SLC25A48: variants seen among roughly 807,000 people sequenced by gnomAD.
The protein encoded by SLC25A48 is CTC-321K16.1.
Under a neutral mutation model 32.2 loss-of-function variants are expected in SLC25A48, and 29 were observed. That is an observed-to-expected ratio of 0.90 (90% CI 0.67 to 1.23). The LOEUF (loss-of-function observed/expected upper bound fraction) is 1.23. SLC25A48 is among the 50% of genes most tolerant of loss of function. The pLI, the probability that SLC25A48 is intolerant of heterozygous loss-of-function variation, is 0.00. For missense variants in SLC25A48, 399 were observed against 422.7 expected (o/e 0.94, Z 0.49); for synonymous variants, 164 against 172.3 (o/e 0.95, Z 0.38).
chr5:135,879,961 T>C lies in SLC25A48; in HGVS notation c.814-7T>C. ...GTCCCCTGCAATAACCTGGCCCCTG[T>C]GCAAAGGTGTTTTTCAGAGGCATCA... On this transcript the variant is annotated splice_region_variant and splice_polypyrimidine_tract_variant and intron_variant, in intron 6 of 7. Transcript: ENST00000681962. The C allele has an allele frequency of 6.5e-7, 1 of 1,536,252 alleles. No homozygotes were observed. The highest frequency in any genetic ancestry group is 1.2e-5 in the South Asian group (1 of 84,056).
At position 135,726,902 on chromosome 5, in the gene SLC25A48, C is replaced by T. The variant is rs1261165673; in HGVS notation, c.-520-85621C>T. Among the ~76,000 whole-genome samples the T allele has an allele frequency of 2.0e-5, 3 of 152,188 alleles. No individual in the cohort carries two copies. In the East Asian group the frequency reaches 5.8e-4, roughly 29 times the overall value. ...AGAAACTGTTTCCCAGAGTGGTTGT[C>T]CTATTTTATATTTTCACCAGCAATG... On this transcript the variant is annotated intron_variant, in intron 3 of 10. Coordinates refer to the SLC25A48 transcript ENST00000646290.
intron 3 of SLC25A48, among the ~76,000 whole-genome samples, chr5:135,769,436 T>C (rs1202121336): frequency 2.0e-5 from 3 of 151,712 alleles, no homozygotes. Context: ...AGAATGATAT[T>C]ACTCCCAGGA....
chr5:135,656,811 G>C (rs1278168007), intron 3 of SLC25A48, among the ~76,000 whole-genome samples: 1 of 152,168 alleles, frequency 6.6e-6, no homozygotes, highest in African/African-American at 2.4e-5. Context: ...GACTGCCACT[G>C]CCAGCAAAAC....
At chr5:135,617,534 G>T (rs1752218007) in intron 1 of SLC25A48, among the ~76,000 whole-genome samples, 1 of 150,820 alleles carries the variant, frequency 6.6e-6, no homozygotes, top group South Asian at 2.1e-4. Flanking sequence ...GGTTAGTTGA[G>T]GTTTACCATT....
At chr5:135,592,954 A>G (rs923438687) in intron 1 of SLC25A48, among the ~76,000 whole-genome samples, 5 of 152,312 alleles carry the variant, frequency 3.3e-5, no homozygotes, top group South Asian at 2.1e-4. Context: ...TAAACGTTCT[A>G]TAACTTATAT....
intron 4 of SLC25A48, among the ~76,000 whole-genome samples, chr5:135,861,313 G>GCACACA (rs10561751): frequency 1.1e-4 from 16 of 145,692 alleles, no homozygotes; most frequent in South Asian, 2.2e-4. Flanking sequence ...AAATACACAC[G>GCACACA]CACACACACA....
chr5:135,726,097 G>T (rs1321921484), intron 3 of SLC25A48, among the ~76,000 whole-genome samples: 1 of 152,190 alleles, frequency 6.6e-6, no homozygotes, highest in African/African-American at 2.4e-5. Flanking sequence ...CCACACTTAC[G>T]ACTATAGCCA....
intron 3 of SLC25A48, among the ~76,000 whole-genome samples, chr5:135,720,840 G>A (rs1235221884): frequency 1.3e-5 from 2 of 152,112 alleles, no homozygotes; most frequent in Non-Finnish European, 2.9e-5. Flanking sequence ...GGTGGTGGAC[G>A]GGGATGGATG....
At chr5:135,862,289 G>A (rs79453382) in intron 4 of SLC25A48, among the ~76,000 whole-genome samples, 2,120 of 152,330 alleles carry the variant, frequency 0.014, 39 homozygotes, top group African/African-American at 0.045. Context: ...TTTTTCCATT[G>A]AAAGACTAAT....
chr5:135,885,151 G>A (rs974592688), intron 7 of SLC25A48, among the ~76,000 whole-genome samples: 11 of 152,118 alleles, frequency 7.2e-5, no homozygotes, highest in East Asian at 1.9e-4. Context: ...TAAGTATGGC[G>A]TCTGAAACTG....
At chr5:135,645,316 G>T (rs192280709) in intron 3 of SLC25A48, among the ~76,000 whole-genome samples, 24 of 152,280 alleles carry the variant, frequency 1.6e-4, no homozygotes, top group African/African-American at 5.1e-4. Flanking sequence ...ATAGCTGTTG[G>T]CAACCACTTT....
At position 135,871,742 on chromosome 5, in the gene SLC25A48, C is replaced by T. The variant is rs376698196; in HGVS notation, c.679+24C>T. 89 of 1,611,730 alleles carry T rather than the reference C, an allele frequency of 5.5e-5. No individual in the cohort carries two copies. In the Admixed American group the frequency reaches 7.2e-4, roughly 13 times the overall value. Reference sequence around the variant, plus strand: ...AGGTAAGGGCAGCAGCAGCTGGAGCCGCACCCCTGTGCAGGCCACAGCAGT... The same window carrying T: ...AGGTAAGGGCAGCAGCAGCTGGAGCTGCACCCCTGTGCAGGCCACAGCAGT... On this transcript the variant is annotated intron_variant, in intron 5 of 7. Transcript: ENST00000681962.
intron 3 of SLC25A48, among the ~76,000 whole-genome samples, chr5:135,667,869 C>T (rs865972233): frequency 1.1e-4 from 17 of 152,196 alleles, no homozygotes; most frequent in African/African-American, 4.1e-4. Flanking sequence ...AAAGATTGTT[C>T]ACTCACTCTA....
chr5:135,773,764 G>T (rs1259599230), intron 3 of SLC25A48, among the ~76,000 whole-genome samples: 1 of 148,724 alleles, frequency 6.7e-6, no homozygotes, highest in Non-Finnish European at 1.5e-5. Context: ...TACATGAAGG[G>T]AGAGTATGAT....
At chr5:135,852,297 C>T (rs1050463463) in intron 3 of SLC25A48, among the ~76,000 whole-genome samples, 6 of 152,202 alleles carry the variant, frequency 3.9e-5, no homozygotes, top group Admixed American at 6.5e-5. Context: ...CTGCCCCTCC[C>T]GGCGCATGCA....
chr5:135,651,772 T>G (rs762552531), intron 3 of SLC25A48, among the ~76,000 whole-genome samples: 2 of 152,240 alleles, frequency 1.3e-5, no homozygotes, highest in African/African-American at 2.4e-5. Flanking sequence ...TGCATTTGCT[T>G]GTCCACTAGT....
At chr5:135,727,356 A>G (rs953498902) in intron 3 of SLC25A48, among the ~76,000 whole-genome samples, 1 of 152,042 alleles carries the variant, frequency 6.6e-6, no homozygotes, top group Non-Finnish European at 1.5e-5. Flanking sequence ...CTCCTGCTCT[A>G]TAGCTTGCTT....
Position 135,857,999 on chromosome 5 carries a change from C to T in SLC25A48, c.421+5178C>T, listed in dbSNP as rs769002996. ...GCAGTGAGAACACAGGGACCCTGTCCTTCCACCATGGGGAGGTGCTGACAT... is the reference window on the plus strand; with the variant it reads ...GCAGTGAGAACACAGGGACCCTGTCTTTCCACCATGGGGAGGTGCTGACAT... On this transcript the variant is annotated intron_variant, in intron 4 of 7. Coordinates refer to ENST00000681962, the MANE Select transcript of SLC25A48 (RefSeq NM_001349336.2). Among the ~76,000 whole-genome samples, 50 of 152,178 alleles carry T rather than the reference C, an allele frequency of 3.3e-4. 1 individual carries two copies. Among genetic ancestry groups the T allele is most frequent in the Non-Finnish European group, 6.5e-4 (44 of 68,042 alleles).
At chr5:135,724,040 T>G (rs1256682254) in intron 3 of SLC25A48, among the ~76,000 whole-genome samples, 3 of 152,186 alleles carry the variant, frequency 2.0e-5, no homozygotes, top group Non-Finnish European at 4.4e-5. Flanking sequence ...CAAGCCCAGA[T>G]CCCTTGCACA....
Sources: allele counts gnomAD v4.1 joint callset (sites outside exome capture counted in the v4.1 genomes callset), GRCh38; gene constraint gnomAD v4.1.1; transcripts MANE v1.5; gene names NCBI Gene and HGNC (gene_info 2026-07-23, HGNC 2026-07-21).